Variants in INTS7 observed in about 807,000 individuals in gnomAD.
INTS7 encodes the protein chromosome 1 open reading frame 73.
Under a neutral mutation model 109.2 loss-of-function variants are expected in INTS7, and 46 were observed. That is an observed-to-expected ratio of 0.42 (90% confidence interval 0.33 to 0.54). The LOEUF (loss-of-function observed/expected upper bound fraction) is 0.54, where lower values mean the gene tolerates loss of function less well. Ranked by LOEUF, INTS7 falls within the 20% of genes least tolerant of loss-of-function variation. The pLI, the probability that INTS7 is intolerant of heterozygous loss-of-function variation, is 0.07. For synonymous variants in INTS7, 412 were observed against 402.9 expected (o/e 1.02, Z -0.27); for missense variants, 929 against 1,132.4 (o/e 0.82, Z 2.58).
At chr1:211,973,039 T>G (rs1008914822) in intron 13 of INTS7, among the ~76,000 whole-genome samples, 1 of 152,112 alleles carries the variant, frequency 6.6e-6, no homozygotes, top group Non-Finnish European at 1.5e-5. Flanking sequence ...CAACCTCCTC[T>G]TCCCAGGCTC....
chr1:212,002,959 T>C (rs1449749810), intron 7 of INTS7, among the ~76,000 whole-genome samples: 2 of 152,204 alleles, frequency 1.3e-5, no homozygotes, highest in East Asian at 3.8e-4. Flanking sequence ...CTGCAGACTT[T>C]AGATAAACTG....
At chr1:211,979,584 TCTC>T (rs1043217045) in intron 10 of INTS7, among the ~76,000 whole-genome samples, 50 of 152,208 alleles carry the variant, frequency 3.3e-4, no homozygotes, top group Admixed American at 2.9e-3. Flanking sequence ...AATTATATTA[TCTC>T]CTCATTACCT....
At position 211,942,813 on chromosome 1, in the gene INTS7, G is replaced by A. The variant is rs537680916; in HGVS notation, c.2602-702C>T. 1.3e-5 allele frequency among the ~76,000 whole-genome samples: 2 copies of A among 152,248 alleles called. No individual in the cohort carries two copies. The highest frequency in any genetic ancestry group is 3.9e-4 in the East Asian group (2 of 5,182). On this transcript the variant is annotated intron_variant, in intron 19 of 19. Coordinates refer to ENST00000366994, the MANE Select transcript of INTS7 (RefSeq NM_015434.4). This position sits in a 1 kb window ranked among gnomAD's most constrained non-coding sequence, Gnocchi z 4.2. ...AAAGACCAGAATAAAACCTGCTGAC[G>A]TACTCTTACCTGTACCCAAGATGAA...
At chr1:212,005,867 C>T (rs1032237206) in intron 7 of INTS7, among the ~76,000 whole-genome samples, 4 of 152,038 alleles carry the variant, frequency 2.6e-5, no homozygotes, top group Admixed American at 6.6e-5. Flanking sequence ...CTGTGACTAT[C>T]AAATCATAAT....
At chr1:212,015,606 G>C (rs1446705881) in intron 4 of INTS7, among the ~76,000 whole-genome samples, 1 of 146,878 alleles carries the variant, frequency 6.8e-6, no homozygotes, top group South Asian at 2.2e-4. Context: ...GAAAACCACA[G>C]ACCCTTGTTC....
intron 19 of INTS7, among the ~76,000 whole-genome samples, chr1:211,943,141 G>T (rs913528556): frequency 6.6e-6 from 1 of 151,952 alleles, no homozygotes; most frequent in African/African-American, 2.4e-5. Flanking sequence ...GCCAACCAAA[G>T]AACTTCCTTA....
intron 16 of INTS7, among the ~76,000 whole-genome samples, chr1:211,962,578 G>C (rs1663687273): frequency 1.3e-5 from 2 of 152,066 alleles, no homozygotes; most frequent in African/African-American, 4.8e-5. Context: ...AATATACATT[G>C]TTCTCATCAT....
At position 212,007,433 on chromosome 1, in the gene INTS7, T is replaced by C. The variant is rs1184061625; in HGVS notation, c.573A>G (p.Val191=). The stretch of plus-strand genomic sequence containing the variant: ...TGGGTATCAATTTTAGCTTCAAGTC[T>C]ACTGGTGTCGCTAAACCTAGACACA... The part of the protein sequence containing the change: ...SEMIQGLATP[V]DLKLKLIPIL... The change falls in exon 6 of 20, where the codon GTA becomes GTG. Residue 191 remains valine, a synonymous_variant. Coordinates refer to ENST00000366994, the MANE Select transcript of INTS7 (RefSeq NM_015434.4). The C allele has an allele frequency of 2.5e-6, 4 of 1,613,106 alleles. No individual in the cohort carries two copies. Among genetic ancestry groups the C allele is most frequent in the Non-Finnish European group, 3.4e-6 (4 of 1,179,164 alleles).
At chr1:211,965,582 T>C (rs1028325941) in intron 16 of INTS7, among the ~76,000 whole-genome samples, 1 of 151,950 alleles carries the variant, frequency 6.6e-6, no homozygotes, top group South Asian at 2.1e-4. Context: ...ATAAAGAAAA[T>C]GTGGTACATA....
intron 7 of INTS7, among the ~76,000 whole-genome samples, chr1:212,004,719 A>G (rs773181241): frequency 1.3e-5 from 2 of 152,240 alleles, no homozygotes; most frequent in African/African-American, 4.8e-5. Flanking sequence ...TATATAAAAA[A>G]TAACTATGAA....
intron 13 of INTS7, among the ~76,000 whole-genome samples, chr1:211,973,726 T>C (rs966184132): frequency 6.6e-6 from 1 of 152,236 alleles, no homozygotes; most frequent in Non-Finnish European, 1.5e-5. Flanking sequence ...CCAACAACTC[T>C]GAGGATCATA....
intron 4 of INTS7, 38 bp from the exon 5 acceptor site, chr1:212,011,459 A>C: frequency 7.8e-7 from 1 of 1,278,056 alleles, no homozygotes; most frequent in Non-Finnish European, 1.1e-6. Context: ...AAAAACTTAC[A>C]TTTGCTTATA....
intron 16 of INTS7, among the ~76,000 whole-genome samples, chr1:211,955,537 C>T (rs946714959): frequency 6.6e-6 from 1 of 152,010 alleles, no homozygotes. Flanking sequence ...GGTTTGTCAT[C>T]GATAGCTCTT....
At chr1:211,954,458 T>G (rs920014808) in intron 16 of INTS7, among the ~76,000 whole-genome samples, 1 of 152,210 alleles carries the variant, frequency 6.6e-6, no homozygotes, top group Non-Finnish European at 1.5e-5. Context: ...GTTTTAGACA[T>G]GAAGTCCTTG....
chr1:212,028,106 C>G (rs1299315364), intron 1 of INTS7, among the ~76,000 whole-genome samples: 1 of 152,172 alleles, frequency 6.6e-6, no homozygotes, highest in Non-Finnish European at 1.5e-5. Context: ...GGATTCCAGG[C>G]GTGAGCCACT....
chr1:212,006,809 A>T (rs1221354986), intron 6 of INTS7, 48 bp from the exon 7 acceptor site: 2 of 1,459,048 alleles, frequency 1.4e-6, no homozygotes, highest in East Asian at 4.8e-5. Context: ...AACTGAAATG[A>T]TCATTAGAAA....
At chr1:211,958,062 T>C (rs1176715676) in intron 16 of INTS7, among the ~76,000 whole-genome samples, 1 of 98,814 alleles carries the variant, frequency 1.0e-5, no homozygotes. Flanking sequence ...AAATATCTTT[T>C]TAAAAATTAA....
chr1:211,965,327 G>T (rs946185577), intron 16 of INTS7, among the ~76,000 whole-genome samples: 1 of 152,146 alleles, frequency 6.6e-6, no homozygotes, highest in Non-Finnish European at 1.5e-5. Flanking sequence ...AGAGAAAAGG[G>T]AACCCTTATA....
intron 8 of INTS7, among the ~76,000 whole-genome samples, chr1:211,983,626 C>G: frequency 6.6e-6 from 1 of 152,022 alleles, no homozygotes; most frequent in Non-Finnish European, 1.5e-5. Flanking sequence ...TCTTCTTTTC[C>G]TCTGCTTATT....
Sources: gnomAD v4.1 joint callset for allele counts (sites outside exome capture counted in the v4.1 genomes callset) on GRCh38, gnomAD v4.1.1 for gene constraint, Gnocchi (gnomAD v3.1) non-coding constraint, MANE v1.5 for transcripts, NCBI Gene and HGNC (gene_info 2026-07-23, HGNC 2026-07-21) for gene names.